Variants in VWA3B observed in about 807,000 individuals in gnomAD.
VWA3B encodes von Willebrand factor A domain containing 3B, also known as von Willebrand factor A domain-containing protein 3B.
VWA3B carries 138 observed loss-of-function variants against 158.3 expected under a neutral mutation model. The ratio of observed to expected loss-of-function variants is 0.87; its 90% confidence interval spans 0.76 to 1.00. The LOEUF (loss-of-function observed/expected upper bound fraction) is 1.00, where lower values mean the gene tolerates loss of function less well. VWA3B is among the 50% of genes least tolerant of loss of function. The pLI is 0.00. For synonymous variants in VWA3B, 596 were observed against 587.3 expected, an observed-to-expected ratio of 1.01 and a Z score of -0.21; for missense variants, 1,555 against 1,565.1, an observed-to-expected ratio of 0.99 and a Z score of 0.11.
intron 10 of VWA3B, among the ~76,000 whole-genome samples, chr2:98,190,219 G>A (rs1354097196): frequency 1.3e-5 from 2 of 152,052 alleles, no homozygotes; most frequent in African/African-American, 4.8e-5. Flanking sequence ...TGATGTGTGT[G>A]TGTGGCTATT....
In VWA3B at chr2:98,254,190, A is replaced by G. The variant is rs574519884; in HGVS notation, c.2793-1934A>G. ...TGTATGCATCTCACTTAATCCTCTC[A>G]AGGATTCCAAGGGCAGGTGGTGTTA... On this transcript the variant is annotated intron_variant, in intron 20 of 27. Coordinates refer to ENST00000477737, the MANE Select transcript of VWA3B (RefSeq NM_144992.5). Among the ~76,000 whole-genome samples, 3 of 152,258 alleles carry G rather than the reference A, an allele frequency of 2.0e-5. No individual in the cohort carries two copies. The South Asian group carries it at 6.2e-4, about 32-fold the overall frequency.
chr2:98,143,908 G>C (rs551238288), intron 7 of VWA3B, among the ~76,000 whole-genome samples: 1 of 151,842 alleles, frequency 6.6e-6, no homozygotes, highest in East Asian at 1.9e-4. Flanking sequence ...GCACCACTAT[G>C]CCTGGCTACA....
At chr2:98,184,063 G>A (rs540053942) in intron 9 of VWA3B, among the ~76,000 whole-genome samples, 9 of 152,224 alleles carry the variant, frequency 5.9e-5, no homozygotes, top group Non-Finnish European at 8.8e-5. Context: ...TAGGTAACTC[G>A]CTTGAGATTG....
At chr2:98,272,067 A>G (rs2105891268) in intron 22 of VWA3B, among the ~76,000 whole-genome samples, 1 of 152,334 alleles carries the variant, frequency 6.6e-6, no homozygotes, top group Non-Finnish European at 1.5e-5. Flanking sequence ...AGCGGCAGAC[A>G]CCGGTTGGTT....
At chr2:98,213,047 G>C (rs1389457097) in intron 13 of VWA3B, among the ~76,000 whole-genome samples, 2 of 152,186 alleles carry the variant, frequency 1.3e-5, no homozygotes, top group Non-Finnish European at 2.9e-5. Context: ...TTGCTGTACA[G>C]ATGGAGGGAA....
At chr2:98,149,803 C>T (rs1463493013) in intron 7 of VWA3B, among the ~76,000 whole-genome samples, 1 of 152,196 alleles carries the variant, frequency 6.6e-6, no homozygotes, top group African/African-American at 2.4e-5. Flanking sequence ...TATCAATTAT[C>T]AACTGGAGAT....
intron 19 of VWA3B, chr2:98,245,516 G>C (rs563616528): frequency 2.2e-6 from 1 of 456,506 alleles, no homozygotes; most frequent in African/African-American, 2.0e-5. Context: ...CGGAGAGTGG[G>C]TGCACACAAG....
intron 13 of VWA3B, chr2:98,216,982 A>ACAC (rs1553417709): frequency 8.1e-7 from 1 of 1,232,686 alleles, no homozygotes; most frequent in South Asian, 1.3e-5. Flanking sequence ...CATTGTAAGC[A>ACAC]CCCGCCCCGC....
Position 98,148,295 on chromosome 2 carries a change from TTGATGAAGAAATTCG to T in VWA3B, c.988+14359_988+14373del, listed in dbSNP as rs1677340451. ...TCTCATTGTTTCCATCTGAATTTCTTTGATGAAGAAATTCGTGTCAATTAGTATTAAACAGTAGTG... is the reference window on the plus strand; with the variant it reads ...TCTCATTGTTTCCATCTGAATTTCTTTGTCAATTAGTATTAAACAGTAGTG... On this transcript the variant is annotated intron_variant, in intron 7 of 27. Coordinates refer to ENST00000477737, the MANE Select transcript of VWA3B (RefSeq NM_144992.5). Among the ~76,000 whole-genome samples the T allele has an allele frequency of 8.5e-5, 13 of 152,338 alleles. 1 individual carries two copies. In the South Asian group the frequency reaches 2.7e-3, roughly 32 times the overall value.
At chr2:98,164,685 G>A (rs1183681953) in intron 8 of VWA3B, among the ~76,000 whole-genome samples, 1 of 152,140 alleles carries the variant, frequency 6.6e-6, no homozygotes, top group Admixed American at 6.5e-5. Flanking sequence ...TCTTGATGTT[G>A]GTTTCCATGA....
chr2:98,117,476 G>A (rs548203949), intron 3 of VWA3B, among the ~76,000 whole-genome samples: 2 of 152,248 alleles, frequency 1.3e-5, no homozygotes, highest in African/African-American at 2.4e-5. Flanking sequence ...CACTGGCTGC[G>A]CTGGGGCAGC....
intron 19 of VWA3B, among the ~76,000 whole-genome samples, chr2:98,249,456 T>C: frequency 6.6e-6 from 1 of 152,142 alleles, no homozygotes; most frequent in Non-Finnish European, 1.5e-5. Flanking sequence ...GAGGTAAGCG[T>C]CTGTTACCCT....
chr2:98,314,884 G>C (rs1405407291), downstream of VWA3B, among the ~76,000 whole-genome samples: 1 of 151,990 alleles, frequency 6.6e-6, no homozygotes, highest in Non-Finnish European at 1.5e-5. Flanking sequence ...TTAGCTGGGT[G>C]TGGTGGCTTG....
downstream of VWA3B, among the ~76,000 whole-genome samples, chr2:98,316,096 A>T (rs1469425100): frequency 1.3e-5 from 2 of 152,202 alleles, no homozygotes; most frequent in Non-Finnish European, 2.9e-5. Context: ...TTCATCAACT[A>T]ATCAATATGT....
At position 98,236,918 on chromosome 2, in the gene VWA3B, G is replaced by A. The variant is rs61091463; in HGVS notation, c.2673+188G>A. 1,812 of 718,674 alleles carry A rather than the reference G, an allele frequency of 2.5e-3. 23 individuals are homozygous for A. The African/African-American group carries it at 0.029, about 11-fold the overall frequency. The allele number at this position is 718,674 out of a possible 1,614,324, so 44.5% of individuals were successfully genotyped here. A position where few individuals can be genotyped will look rare whatever the true frequency, so the allele number is the denominator to read the frequency against. ...AATTTGGGCGCGGTGGCGCATGCCT[G>A]TAACCCCAGCACTTGGGAAGGCTGT... is the stretch of plus-strand genomic sequence containing the variant. On this transcript the variant is annotated intron_variant, in intron 19 of 27. Transcript: ENST00000477737.
At chr2:98,150,177 A>G (rs1416528656) in intron 7 of VWA3B, among the ~76,000 whole-genome samples, 2 of 152,232 alleles carry the variant, frequency 1.3e-5, no homozygotes, top group Non-Finnish European at 2.9e-5. Flanking sequence ...AGGCAAAAAT[A>G]GATGTATCAT....
rs116686908 is a variant in VWA3B, at chr2:98,168,905, G to C, written c.1114+5929G>C. ...ATTCCTGCGGGGAGGAAGTAGAAGG[G>C]ACAGGGAACAGAAAAATATTTAAAG... is the stretch of plus-strand genomic sequence containing the variant. On this transcript the variant is annotated intron_variant, in intron 8 of 27. Coordinates refer to ENST00000477737, the MANE Select transcript of VWA3B (RefSeq NM_144992.5). 3.3e-3 allele frequency among the ~76,000 whole-genome samples: 500 copies of C among 152,238 alleles called. 5 individuals carry two copies. Among genetic ancestry groups the C allele is most frequent in the African/African-American group, 0.012 (481 of 41,542 alleles).
chr2:98,179,050 C>T (rs565537346), intron 8 of VWA3B, among the ~76,000 whole-genome samples: 11 of 152,278 alleles, frequency 7.2e-5, no homozygotes, highest in Admixed American at 2.0e-4. Flanking sequence ...AAAAAAGCCC[C>T]GATGTGTAGC....
In VWA3B at chr2:98,125,916, A is replaced by T. The variant is rs376667291; in HGVS notation, c.703-2323A>T. 8.5e-5 allele frequency among the ~76,000 whole-genome samples: 13 copies of T among 152,154 alleles called. No homozygotes were observed. The highest frequency in any genetic ancestry group is 6.2e-4 in the South Asian group (3 of 4,834). On this transcript the variant is annotated intron_variant, in intron 5 of 27. Coordinates refer to ENST00000477737, the MANE Select transcript of VWA3B (RefSeq NM_144992.5). The surrounding 1 kb of genome is among the most constrained non-coding windows in gnomAD (Gnocchi z 4.1). ...CCCGACCTCGTGATCTGCTCGCCTC[A>T]GCCTCCCAAAGTGCTGGGATTACAG...
Sources: allele counts gnomAD v4.1 joint callset (sites outside exome capture counted in the v4.1 genomes callset), GRCh38; gene constraint gnomAD v4.1.1; non-coding constraint Gnocchi (gnomAD v3.1); transcripts MANE v1.5; gene names NCBI Gene and HGNC (gene_info 2026-07-23, HGNC 2026-07-21).